SNORC: variants seen among roughly 807,000 people sequenced by gnomAD.
SNORC encodes protein SNORC.
SNORC carries 11 observed loss-of-function variants against 9.7 expected under a neutral mutation model. That is an observed-to-expected ratio of 1.14 (90% CI 0.72 to 1.88). The LOEUF is 1.88. Ranked by LOEUF, SNORC falls within the 40% of genes most tolerant of loss-of-function variation. The probability of loss-of-function intolerance (pLI) is 0.00; values close to 1 mark genes in which losing one functional copy is unlikely to be tolerated. For synonymous variants in SNORC, 108 were observed against 88.7 expected, an observed-to-expected ratio of 1.22 and a Z score of -1.22; for missense variants, 197 against 173.1, an observed-to-expected ratio of 1.14 and a Z score of -0.77.
downstream of SNORC, chr2:232,877,002 G>GC (rs1214589563): frequency 9.1e-6 from 9 of 985,482 alleles, no homozygotes; most frequent in Non-Finnish European, 1.1e-5. Flanking sequence ...GAGGGCAGGG[G>GC]CCGTCGGCTC....
chr2:232,876,130 C>A lies in SNORC; in HGVS notation c.256+8C>A. On this transcript the variant is annotated splice_region_variant and intron_variant, in intron 2 of 2. Transcript: ENST00000331342. This position sits in a 1 kb window ranked among gnomAD's most constrained non-coding sequence, Gnocchi z 6.8. ...GGCTGGACCAGGGCGGCGGTACGGG[C>A]GGGGCGGGGGAGGGAGGGGAGAGGG... 1 of 803,800 alleles carries A rather than the reference C, an allele frequency of 1.2e-6. No homozygotes were observed. Among genetic ancestry groups the A allele is most frequent in the Non-Finnish European group, 1.5e-6 (1 of 674,926 alleles). The allele number at this position is 803,800 out of a possible 1,614,324, so 49.8% of individuals were successfully genotyped here.
chr2:232,870,468 C>G, intron 1 of SNORC, 54 bp downstream of exon 1: 2 of 1,502,158 alleles, frequency 1.3e-6, no homozygotes, highest in Non-Finnish European at 1.8e-6. Context: ...GGGCCGATAA[C>G]TACCTTGGGG....
rs539023495 is a variant in SNORC at position 232,875,865 on chromosome 2, TA to T, written c.74-73del. ...CACACAGCGCTACCGGCAACTTGCT[TA>T]ACCTAGAGGTGGGGGGTGACGTCCC... On this transcript the variant is annotated intron_variant, in intron 1 of 2. Coordinates refer to ENST00000331342, the Ensembl canonical transcript of SNORC. The T allele has an allele frequency of 2.1e-5, 30 of 1,438,404 alleles. No individual in the cohort carries two copies. The African/African-American group carries it at 4.2e-4, about 20-fold the overall frequency. 89.1% of individuals were successfully genotyped at this position (1,438,404 alleles called of 1,614,324 possible). A position where few individuals can be genotyped will look rare whatever the true frequency, so the allele number is the denominator to read the frequency against.
In SNORC at chr2:232,876,085, G is replaced by T; in HGVS notation, c.219G>T (p.Glu73Asp). 1 of 1,525,158 alleles carries T rather than the reference G, an allele frequency of 6.6e-7. No homozygotes were observed. Among genetic ancestry groups the T allele is most frequent in the South Asian group, 1.2e-5 (1 of 83,474 alleles). 94.5% of individuals were successfully genotyped at this position (1,525,158 alleles called of 1,614,324 possible). The change falls in exon 2 of 3, where the codon GAG (glutamate) becomes GAT (aspartate). Residue 73 changes from glutamate (E) to aspartate (D), a missense_variant. Physicochemically the swap from Glu to Asp is conservative, Grantham distance 45. Coordinates refer to ENST00000331342, the Ensembl canonical transcript of SNORC. This position sits in a 1 kb window ranked among gnomAD's most constrained non-coding sequence, Gnocchi z 6.8. Reference sequence around the variant, plus strand: ...CCCCCACCGTCGCGCCAGGACCCGAGGACAGCACCGCGCAGGAGCGGCTGG... The same window carrying T: ...CCCCCACCGTCGCGCCAGGACCCGATGACAGCACCGCGCAGGAGCGGCTGG...
chr2:232,878,460 C>T (rs946761435), downstream of SNORC: 1 of 154,482 alleles, frequency 6.5e-6, no homozygotes, highest in Non-Finnish European at 1.4e-5. Context: ...AGCAGAGGGG[C>T]GTCCCCAGCT....
chr2:232,870,666 C>T lies in SNORC; in HGVS notation c.73+252C>T, dbSNP rs137999747. Among the ~76,000 whole-genome samples, 37 of 152,194 alleles carry T rather than the reference C, an allele frequency of 2.4e-4. No homozygotes were observed. The East Asian group carries it at 7.0e-3, about 29-fold the overall frequency. The stretch of plus-strand genomic sequence containing the variant: ...AGGAGGACAACTTGGGGGGCAGGCC[C>T]AGGGATGTTTTGCTGTTGAGGGGGA... On this transcript the variant is annotated intron_variant, in intron 1 of 2. Transcript: ENST00000331342.
rs79628098 is a variant in SNORC at position 232,874,103 on chromosome 2, G to A, written c.74-1837G>A. 6.9e-3 allele frequency among the ~76,000 whole-genome samples: 1,058 copies of A among 152,334 alleles called. 14 individuals are homozygous for A. The highest frequency in any genetic ancestry group is 0.024 in the African/African-American group (1,006 of 41,564). ...GGCTTGAGAGAGGCCCAGAAGCCAG[G>A]GACCTGCTAACATTTTATTGTGGAA... On this transcript the variant is annotated intron_variant, in intron 1 of 2. Transcript: ENST00000331342.
At chr2:232,872,050 C>T (rs1382366124) in intron 1 of SNORC, among the ~76,000 whole-genome samples, 3 of 152,206 alleles carry the variant, frequency 2.0e-5, no homozygotes, top group African/African-American at 7.2e-5. Flanking sequence ...AGTAGGCAGG[C>T]CCCCCGCAGG....
upstream of SNORC, among the ~76,000 whole-genome samples, chr2:232,866,902 C>G (rs1690889617): frequency 6.6e-6 from 1 of 152,096 alleles, no homozygotes; most frequent in South Asian, 2.1e-4. Context: ...TTAGTAGAGA[C>G]TATTATAAAG....
At chr2:232,873,245 C>A (rs1311078970) in intron 1 of SNORC, among the ~76,000 whole-genome samples, 1 of 152,206 alleles carries the variant, frequency 6.6e-6, no homozygotes, top group Non-Finnish European at 1.5e-5. Context: ...AGGATAGGCC[C>A]CAGCCCTCCT....
At chr2:232,868,250 C>T (rs1394944797), upstream of SNORC, among the ~76,000 whole-genome samples, 1 of 151,804 alleles carries the variant, frequency 6.6e-6, no homozygotes, top group Non-Finnish European at 1.5e-5. Flanking sequence ...GTGTGCACCA[C>T]CATGCCTGGC....
intron 1 of SNORC, among the ~76,000 whole-genome samples, chr2:232,871,548 C>T (rs2106189104): frequency 6.6e-6 from 1 of 152,284 alleles, no homozygotes; most frequent in Admixed American, 6.5e-5. Context: ...AATGTGGATT[C>T]TGTGGTCCGA....
At position 232,876,159 on chromosome 2, in the gene SNORC, AATT is replaced by A. The variant is rs1691230281; in HGVS notation, c.256+39_256+41del. 4.1e-6 allele frequency: 3 copies of A among 731,616 alleles called. No homozygotes were observed. Among genetic ancestry groups the A allele is most frequent in the Non-Finnish European group, 6.0e-6 (3 of 499,098 alleles). 45.3% of individuals were successfully genotyped at this position (731,616 alleles called of 1,614,324 possible). ...GCGGGGGAGGGAGGGGAGAGGGAGA[AATT>A]AGGAGGGGCGGGGGGCGGGGGGCGC... On this transcript the variant is annotated intron_variant, in intron 2 of 2. Coordinates refer to ENST00000331342, the Ensembl canonical transcript of SNORC. This position sits in a 1 kb window ranked among gnomAD's most constrained non-coding sequence, Gnocchi z 6.8.
In SNORC at chr2:232,876,164, G is replaced by A; in HGVS notation, c.256+42G>A. ...GGAGGGAGGGGAGAGGGAGAAATTAGGAGGGGCGGGGGGCGGGGGGCGCGG... is the reference window on the plus strand; with the variant it reads ...GGAGGGAGGGGAGAGGGAGAAATTAAGAGGGGCGGGGGGCGGGGGGCGCGG... On this transcript the variant is annotated intron_variant, in intron 2 of 2. Transcript: ENST00000331342. This position sits in a 1 kb window ranked among gnomAD's most constrained non-coding sequence, Gnocchi z 6.8. 1 of 1,260,176 alleles carries A rather than the reference G, an allele frequency of 7.9e-7. No homozygotes were observed. The highest frequency in any genetic ancestry group is 1.4e-5 in the South Asian group (1 of 71,018). The allele number at this position is 1,260,176 out of a possible 1,614,324, so 78.1% of individuals were successfully genotyped here. A position where few individuals can be genotyped will look rare whatever the true frequency, so the allele number is the denominator to read the frequency against.
chr2:232,870,157 TGTG>T (rs997929588), upstream of SNORC: 11 of 490,138 alleles, frequency 2.2e-5, no homozygotes, highest in African/African-American at 1.9e-4. Flanking sequence ...TGTGAGCTCT[TGTG>T]TGTGTGTGTT....
chr2:232,870,321 C>T (rs1359864020), exon 1 of SNORC: 7 of 1,552,276 alleles, frequency 4.5e-6, no homozygotes, highest in Middle Eastern at 1.9e-4. Context: ...CCGCCCGCCG[C>T]TGCCCTCACT....
chr2:232,868,272 T>G (rs915069073), upstream of SNORC, among the ~76,000 whole-genome samples: 1 of 152,042 alleles, frequency 6.6e-6, no homozygotes, highest in African/African-American at 2.4e-5. Flanking sequence ...AATTTTCATA[T>G]TTTTATTGGA....
At chr2:232,871,534 C>T (rs2675968) in intron 1 of SNORC, among the ~76,000 whole-genome samples, 45,684 of 152,008 alleles carry the variant, frequency 0.3, 7,054 homozygotes, top group Admixed American at 0.35. Flanking sequence ...ATCCAGTTAG[C>T]GCGAATGTGG....
At chr2:232,873,564 C>T (rs575827622) in intron 1 of SNORC, among the ~76,000 whole-genome samples, 9 of 152,310 alleles carry the variant, frequency 5.9e-5, no homozygotes, top group Admixed American at 2.6e-4. Flanking sequence ...GAAGCCCTGC[C>T]GCGGCCTCCA....
Sources: allele counts gnomAD v4.1 joint callset (sites outside exome capture counted in the v4.1 genomes callset), GRCh38; gene constraint gnomAD v4.1.1; non-coding constraint Gnocchi (gnomAD v3.1); transcripts MANE v1.5; gene names NCBI Gene and HGNC (gene_info 2026-07-23, HGNC 2026-07-21).